KIAA1217: variants seen among roughly 807,000 people sequenced by gnomAD.
KIAA1217 encodes the protein KIAA1217, also known as sickle tail protein homolog.
Under a neutral mutation model 163.9 loss-of-function variants are expected in KIAA1217, and 88 were observed. The ratio of observed to expected loss-of-function variants is 0.54; its 90% CI spans 0.45 to 0.64. The LOEUF (loss-of-function observed/expected upper bound fraction) is 0.64, where lower values mean the gene tolerates loss of function less well. Among genes scored for constraint, KIAA1217 ranks in the 30% least tolerant of loss-of-function variants. The probability of loss-of-function intolerance (pLI) is 0.00; values close to 1 mark genes in which losing one functional copy is unlikely to be tolerated. For missense variants in KIAA1217, 2,372 were observed against 2,475.0 expected (o/e 0.96, Z 0.88); for synonymous variants, 903 against 923.1 (o/e 0.98, Z 0.39).
chr10:24,384,548 G>A (rs927003136), intron 3 of KIAA1217, among the ~76,000 whole-genome samples: 4 of 152,126 alleles, frequency 2.6e-5, no homozygotes, highest in African/African-American at 9.7e-5. Flanking sequence ...GCTGTCAAGG[G>A]CAACATCAAC....
chr10:24,335,049 T>G (rs564162403), intron 2 of KIAA1217, among the ~76,000 whole-genome samples: 1 of 152,214 alleles, frequency 6.6e-6, no homozygotes, highest in Non-Finnish European at 1.5e-5. Flanking sequence ...CATCAACTGA[T>G]GAGCTAATAC....
At chr10:24,321,345 C>T (rs2044128751) in intron 2 of KIAA1217, among the ~76,000 whole-genome samples, 1 of 151,970 alleles carries the variant, frequency 6.6e-6, no homozygotes, top group Non-Finnish European at 1.5e-5. Flanking sequence ...TCGAGACCAG[C>T]CTGACCAACA....
chr10:24,398,957 G>C (rs1334136153), intron 3 of KIAA1217, among the ~76,000 whole-genome samples: 1 of 152,120 alleles, frequency 6.6e-6, no homozygotes, highest in Non-Finnish European at 1.5e-5. Flanking sequence ...TATTATTTTA[G>C]AGAGACCATT....
At chr10:24,113,171 G>T (rs1298951835) in intron 2 of KIAA1217, among the ~76,000 whole-genome samples, 3 of 152,102 alleles carry the variant, frequency 2.0e-5, no homozygotes, top group Admixed American at 6.5e-5. Flanking sequence ...CATACAGCTT[G>T]ATCATATTCT....
chr10:24,360,047 T>C (rs2134204871), intron 2 of KIAA1217, among the ~76,000 whole-genome samples: 1 of 140,096 alleles, frequency 7.1e-6, no homozygotes, highest in South Asian at 2.4e-4. Flanking sequence ...TTACTTTTTT[T>C]TTTTTTTTTT....
chr10:24,132,707 A>G (rs1471830987), intron 2 of KIAA1217, among the ~76,000 whole-genome samples: 1 of 152,230 alleles, frequency 6.6e-6, no homozygotes. Context: ...TACATGAAAC[A>G]TTTGTCAGCA....
intron 16 of KIAA1217, among the ~76,000 whole-genome samples, chr10:24,534,506 T>C (rs953319398): frequency 6.6e-6 from 1 of 152,140 alleles, no homozygotes; most frequent in Admixed American, 6.5e-5. Context: ...TCCATTGAAG[T>C]CTAAATATTT....
chr10:24,361,329 A>G (rs548028510), intron 2 of KIAA1217, among the ~76,000 whole-genome samples: 6 of 152,248 alleles, frequency 3.9e-5, no homozygotes, highest in Admixed American at 3.9e-4. Flanking sequence ...TTGGTACTGC[A>G]GGCAGACGCC....
At chr10:24,347,430 ACTTTC>A (rs1351789835) in intron 2 of KIAA1217, among the ~76,000 whole-genome samples, 1 of 152,138 alleles carries the variant, frequency 6.6e-6, no homozygotes, top group African/African-American at 2.4e-5. Flanking sequence ...CTTCCTCTAC[ACTTTC>A]CTTACATTTC....
chr10:24,051,111 A>G (rs1384183977), intron 2 of KIAA1217, among the ~76,000 whole-genome samples: 1 of 152,148 alleles, frequency 6.6e-6, no homozygotes, highest in Non-Finnish European at 1.5e-5. Flanking sequence ...AGTCCATTAT[A>G]TCATTCTTAC....
intron 1 of KIAA1217, among the ~76,000 whole-genome samples, chr10:23,820,781 G>A (rs1588887068): frequency 6.6e-6 from 1 of 152,146 alleles, no homozygotes; most frequent in East Asian, 1.9e-4. Context: ...TGAAATACTT[G>A]CTTTATGCCC....
chr10:24,029,647 A>C lies in KIAA1217; in HGVS notation c.-171+22273A>C, dbSNP rs532406913. 1.5e-4 allele frequency among the ~76,000 whole-genome samples: 23 copies of C among 152,306 alleles called. No individual in the cohort carries two copies. In the South Asian group the frequency reaches 4.8e-3, roughly 32 times the overall value. On this transcript the variant is annotated intron_variant, in intron 2 of 18. Coordinates refer to the KIAA1217 transcript ENST00000376462. ...GAAGGATTTACTACACCTCTCAAGA[A>C]AGAAGTAATCTCCAAGAAAAGTACA...
intron 1 of KIAA1217, among the ~76,000 whole-genome samples, chr10:23,988,315 C>A (rs534828481): frequency 6.6e-6 from 1 of 152,142 alleles, no homozygotes; most frequent in East Asian, 1.9e-4. Flanking sequence ...CACTTTAAGG[C>A]GTTCCTATAA....
intron 3 of KIAA1217, among the ~76,000 whole-genome samples, chr10:24,428,122 T>C (rs2059315940): frequency 6.6e-6 from 1 of 152,118 alleles, no homozygotes; most frequent in Non-Finnish European, 1.5e-5. Flanking sequence ...GATGTGGGGA[T>C]GAAAATCAGA....
At chr10:24,471,636 A>G (rs369172934) in intron 5 of KIAA1217, among the ~76,000 whole-genome samples, 1 of 152,018 alleles carries the variant, frequency 6.6e-6, no homozygotes, top group Non-Finnish European at 1.5e-5. Context: ...TAATCCCAGC[A>G]CTGTGGGAGG....
chr10:24,315,932 G>C (rs561858597), intron 2 of KIAA1217, among the ~76,000 whole-genome samples: 7 of 148,876 alleles, frequency 4.7e-5, no homozygotes, highest in South Asian at 4.6e-4. Context: ...TATCTAATGG[G>C]GGGGGGGAAT....
At chr10:24,074,671 T>C (rs556332135) in intron 2 of KIAA1217, among the ~76,000 whole-genome samples, 1 of 151,402 alleles carries the variant, frequency 6.6e-6, no homozygotes, top group Non-Finnish European at 1.5e-5. Context: ...ATTCTTCTTC[T>C]TCTTCTTCTT....
intron 2 of KIAA1217, among the ~76,000 whole-genome samples, chr10:24,364,217 G>C (rs1271399806): frequency 6.7e-6 from 1 of 148,648 alleles, no homozygotes; most frequent in Non-Finnish European, 1.5e-5. Context: ...GAGCTCAGGT[G>C]ATCCACCCGC....
chr10:24,056,128 G>A (rs902307516), intron 2 of KIAA1217, among the ~76,000 whole-genome samples: 2 of 152,082 alleles, frequency 1.3e-5, no homozygotes, highest in Non-Finnish European at 2.9e-5. Context: ...GTTGCCTAGA[G>A]GAGTTTAAAA....
Sources: allele counts gnomAD v4.1 joint callset (sites outside exome capture counted in the v4.1 genomes callset), GRCh38; gene constraint gnomAD v4.1.1; transcripts MANE v1.5; gene names NCBI Gene and HGNC (gene_info 2026-07-23, HGNC 2026-07-21).